C10orf90: variants seen among roughly 807,000 people sequenced by gnomAD.
C10orf90 encodes (E2-independent) E3 ubiquitin-conjugating enzyme FATS.
In C10orf90, 56 loss-of-function variants were observed where a neutral mutation model predicts 62.5. The observed-to-expected ratio is 0.90, with a 90% CI of 0.72 to 1.12. The LOEUF (loss-of-function observed/expected upper bound fraction) is 1.12, where lower values mean the gene tolerates loss of function less well. Ranked by LOEUF, C10orf90 falls within the 50% of genes most tolerant of loss-of-function variation. The probability of loss-of-function intolerance (pLI) is 0.00; values close to 1 mark genes in which losing one functional copy is unlikely to be tolerated. For synonymous variants in C10orf90, 386 were observed against 340.4 expected, an observed-to-expected ratio of 1.13 and a Z score of -1.47; for missense variants, 970 against 880.4, an observed-to-expected ratio of 1.10 and a Z score of -1.29.
chr10:126,441,992 A>C (rs1263817182), intron 7 of C10orf90, among the ~76,000 whole-genome samples: 1 of 152,096 alleles, frequency 6.6e-6, no homozygotes, highest in Non-Finnish European at 1.5e-5. Flanking sequence ...CAAAAACAAA[A>C]AACAAAAAAC....
In C10orf90 at chr10:126,635,137, C is replaced by T. The variant is rs142341589; in HGVS notation, c.313+11428G>A. Among the ~76,000 whole-genome samples the T allele has an allele frequency of 1.6e-4, 25 of 152,260 alleles. No individual in the cohort carries two copies. In the South Asian group the frequency reaches 2.9e-3, roughly 18 times the overall value. On this transcript the variant is annotated intron_variant, in intron 2 of 9. Coordinates refer to ENST00000488181, the MANE Select transcript of C10orf90 (RefSeq NM_001350921.2). ...TAAGCACACACAAGGCATTAGTGAA[C>T]GCCACATTCAGAGATGATTTGGTAG...
At chr10:126,502,766 T>C (rs777886954) in intron 4 of C10orf90, 11 of 516,664 alleles carry the variant, frequency 2.1e-5, no homozygotes, top group Non-Finnish European at 3.5e-5. Context: ...AGCAATCTCT[T>C]TAACCACTAA....
intron 4 of C10orf90, among the ~76,000 whole-genome samples, chr10:126,492,235 G>C (rs1198863520): frequency 1.3e-5 from 2 of 152,136 alleles, no homozygotes; most frequent in Non-Finnish European, 2.9e-5. Context: ...GACATTTTTG[G>C]TTGTGTGCTA....
At chr10:126,451,658 T>C (rs769671812) in intron 7 of C10orf90, among the ~76,000 whole-genome samples, 39 of 151,656 alleles carry the variant, frequency 2.6e-4, no homozygotes, top group Admixed American at 2.0e-3. Flanking sequence ...TATACACATA[T>C]GTGTGTATAT....
rs752212319 is a variant in C10orf90, at chr10:126,504,962, G to A, written c.529C>T (p.Arg177Cys). 6.2e-7 allele frequency: 1 copy of A among 1,614,094 alleles called. No homozygotes were observed. Among genetic ancestry groups the A allele is most frequent in the African/African-American group, 1.3e-5 (1 of 74,938 alleles). ...AGAGATTGCTTGGCGTGATGTGCAC[G>A]AGACTGAGCAATGGCACACGGTAGG... ...LPLPCAIAQS[R>C]AHHAKQSLAN... is the part of the protein sequence containing the mutation. The change falls in exon 4 of 10, where the codon CGT becomes TGT. Residue 177 changes from arginine (R) to cysteine (C), a missense_variant. Coordinates refer to ENST00000488181, the MANE Select transcript of C10orf90 (RefSeq NM_001350921.2). This position sits in a 1 kb window ranked among gnomAD's most constrained non-coding sequence, Gnocchi z 4.1.
intron 7 of C10orf90, among the ~76,000 whole-genome samples, chr10:126,451,534 T>G (rs1281675504): frequency 6.6e-6 from 1 of 152,078 alleles, no homozygotes; most frequent in African/African-American, 2.4e-5. Flanking sequence ...AGGTGTTGTG[T>G]TTTTATAAGA....
At chr10:126,522,484 G>C (rs760971095) in intron 2 of C10orf90, among the ~76,000 whole-genome samples, 1 of 152,222 alleles carries the variant, frequency 6.6e-6, no homozygotes, top group Non-Finnish European at 1.5e-5. Context: ...TTTGTAAGCA[G>C]TTTCACAAAC....
At chr10:126,513,698 A>C (rs1216884324) in intron 3 of C10orf90, 150 bp downstream of exon 3, 1 of 549,882 alleles carries the variant, frequency 1.8e-6, no homozygotes, top group Non-Finnish European at 3.2e-6. Flanking sequence ...AAGAATAATT[A>C]AATCTATAGC....
chr10:126,643,124 C>T (rs983199165), intron 2 of C10orf90, among the ~76,000 whole-genome samples: 6 of 152,216 alleles, frequency 3.9e-5, no homozygotes, highest in African/African-American at 1.4e-4. Context: ...CTTCAAAATA[C>T]TTCATTGTTC....
chr10:126,638,000 G>A (rs909542278), intron 2 of C10orf90, among the ~76,000 whole-genome samples: 23 of 152,296 alleles, frequency 1.5e-4, no homozygotes, highest in African/African-American at 5.3e-4. Context: ...AAATCAGAAG[G>A]ACTTACTCAT....
intron 5 of C10orf90, among the ~76,000 whole-genome samples, 163 bp from the exon 6 acceptor site, chr10:126,461,748 C>A (rs538705598): frequency 6.6e-6 from 1 of 152,280 alleles, no homozygotes; most frequent in African/African-American, 2.4e-5. Flanking sequence ...ACAGAGCCCC[C>A]GGCCGCCCTG....
At chr10:126,473,024 T>C (rs1209998844) in intron 4 of C10orf90, among the ~76,000 whole-genome samples, 4 of 152,208 alleles carry the variant, frequency 2.6e-5, no homozygotes, top group African/African-American at 4.8e-5. Context: ...AACTATTTAT[T>C]GAGTAACTAC....
chr10:126,593,326 T>G (rs1049689489), intron 2 of C10orf90, among the ~76,000 whole-genome samples: 1 of 152,158 alleles, frequency 6.6e-6, no homozygotes, highest in Non-Finnish European at 1.5e-5. Flanking sequence ...GAAAATGTGG[T>G]GCATATACAC....
chr10:126,538,752 A>G (rs1864303032), intron 2 of C10orf90, among the ~76,000 whole-genome samples: 1 of 152,168 alleles, frequency 6.6e-6, no homozygotes, highest in Non-Finnish European at 1.5e-5. Context: ...TTCAAACCCA[A>G]GTTGGATGCC....
At chr10:126,490,314 A>G (rs948129084) in intron 4 of C10orf90, among the ~76,000 whole-genome samples, 11 of 151,556 alleles carry the variant, frequency 7.3e-5, no homozygotes, top group Non-Finnish European at 1.5e-4. Context: ...TGACATACCT[A>G]GAGTGGTCAC....
intron 2 of C10orf90, among the ~76,000 whole-genome samples, chr10:126,632,259 G>T (rs1845865111): frequency 6.6e-6 from 1 of 151,922 alleles, no homozygotes; most frequent in Non-Finnish European, 1.5e-5. Flanking sequence ...TGGGGCTGCA[G>T]CAAGGAGGGT....
intron 2 of C10orf90, among the ~76,000 whole-genome samples, chr10:126,591,785 G>A (rs188996633): frequency 2.2e-4 from 34 of 152,118 alleles, no homozygotes; most frequent in African/African-American, 7.7e-4. Context: ...ATATGATCCC[G>A]TATCTAGAAA....
chr10:126,485,833 G>A (rs1245225434), intron 4 of C10orf90, among the ~76,000 whole-genome samples: 2 of 151,724 alleles, frequency 1.3e-5, no homozygotes, highest in African/African-American at 4.8e-5. Flanking sequence ...TGTAGTCCCA[G>A]CTACTCAGGA....
chr10:126,511,590 G>C (rs1300619465), intron 3 of C10orf90, among the ~76,000 whole-genome samples: 1 of 150,400 alleles, frequency 6.6e-6, no homozygotes, highest in Non-Finnish European at 1.5e-5. Flanking sequence ...AGGTGGAGTG[G>C]GTAAGTAAAT....
Sources: gnomAD v4.1 joint callset for allele counts (sites outside exome capture counted in the v4.1 genomes callset) on GRCh38, gnomAD v4.1.1 for gene constraint, Gnocchi (gnomAD v3.1) non-coding constraint, MANE v1.5 for transcripts, NCBI Gene and HGNC (gene_info 2026-07-23, HGNC 2026-07-21) for gene names.